ANKRD12: variants seen among roughly 807,000 people sequenced by gnomAD.
The protein encoded by ANKRD12 is ankyrin repeat domain-containing protein 12.
Under a neutral mutation model 183.4 loss-of-function variants are expected in ANKRD12, and 85 were observed. The ratio of observed to expected loss-of-function variants is 0.46; its 90% CI spans 0.39 to 0.56. ANKRD12 has a LOEUF of 0.56. Ranked by LOEUF, ANKRD12 falls within the 20% of genes least tolerant of loss-of-function variation. The probability of loss-of-function intolerance (pLI) is 0.00; values close to 1 mark genes in which losing one functional copy is unlikely to be tolerated. For missense variants in ANKRD12, 2,405 were observed against 2,357.1 expected, an observed-to-expected ratio of 1.02 and a Z score of -0.42; for synonymous variants, 914 against 800.2, an observed-to-expected ratio of 1.14 and a Z score of -2.40.
Position 9,257,577 on chromosome 18 carries a change from C to T in ANKRD12, c.4310C>T (p.Pro1437Leu). Reference protein sequence around the residue: ...ETLSTRDFICPNSNIPDQESS... With the variant: ...ETLSTRDFICLNSNIPDQESS... ...TTAAGCACCAGAGACTTTATCTGCC[C>T]AAATTCTAACATACCTGATCAAGAA... The change falls in exon 9 of 13, where the codon CCA becomes CTA. Residue 1437 changes from proline (P) to leucine (L), a missense_variant. Coordinates refer to ENST00000262126, the MANE Select transcript of ANKRD12 (RefSeq NM_015208.5). The T allele has an allele frequency of 6.2e-7, 1 of 1,614,030 alleles. No individual in the cohort carries two copies. Among genetic ancestry groups the T allele is most frequent in the Non-Finnish European group, 8.5e-7 (1 of 1,179,978 alleles).
intron 10 of ANKRD12, among the ~76,000 whole-genome samples, chr18:9,270,933 G>A (rs930603678): frequency 6.6e-6 from 1 of 152,182 alleles, no homozygotes; most frequent in Non-Finnish European, 1.5e-5. Flanking sequence ...CCGTGTGGTG[G>A]CTCAGTAACT....
At chr18:9,177,609 G>C (rs1389575696) in intron 1 of ANKRD12, among the ~76,000 whole-genome samples, 2 of 152,070 alleles carry the variant, frequency 1.3e-5, no homozygotes, top group Non-Finnish European at 2.9e-5. Context: ...CTGTCTACTA[G>C]CTATTTTGAA....
chr18:9,187,894 C>G (rs2034200306), intron 2 of ANKRD12, among the ~76,000 whole-genome samples: 1 of 152,190 alleles, frequency 6.6e-6, no homozygotes, highest in Admixed American at 6.5e-5. Context: ...GTAGTTCAGA[C>G]ATTCATTATT....
intron 8 of ANKRD12, among the ~76,000 whole-genome samples, chr18:9,253,551 A>G (rs1159099138): frequency 6.6e-6 from 1 of 152,228 alleles, no homozygotes; most frequent in African/African-American, 2.4e-5. Context: ...TCCACTGTGT[A>G]TATGAACCAC....
intron 1 of ANKRD12, among the ~76,000 whole-genome samples, chr18:9,154,579 C>G (rs2030109252): frequency 6.6e-6 from 1 of 152,158 alleles, no homozygotes; most frequent in Non-Finnish European, 1.5e-5. Context: ...ACAACACACA[C>G]TCTGGCTACT....
At chr18:9,259,596 G>A (rs886830799) in intron 9 of ANKRD12, 1 of 152,118 alleles carries the variant, frequency 6.6e-6, no homozygotes, top group African/African-American at 2.4e-5. Flanking sequence ...TAGAAGTTTA[G>A]TTGTGTCAAA....
chr18:9,237,494 C>T (rs544224671), intron 8 of ANKRD12, among the ~76,000 whole-genome samples: 1 of 152,188 alleles, frequency 6.6e-6, no homozygotes, highest in South Asian at 2.1e-4. Flanking sequence ...AAAAATATAG[C>T]CATCACTAGG....
At chr18:9,227,462 A>G (rs981864257) in intron 8 of ANKRD12, among the ~76,000 whole-genome samples, 1 of 152,228 alleles carries the variant, frequency 6.6e-6, no homozygotes, top group African/African-American at 2.4e-5. Flanking sequence ...GGGGCAGGAA[A>G]TGTTTGAGCT....
At chr18:9,150,574 G>T (rs2078652182) in intron 1 of ANKRD12, among the ~76,000 whole-genome samples, 1 of 152,186 alleles carries the variant, frequency 6.6e-6, no homozygotes, top group Non-Finnish European at 1.5e-5. Context: ...GTAGATGCCT[G>T]TACTTTTTTC....
intron 1 of ANKRD12, among the ~76,000 whole-genome samples, chr18:9,169,701 G>A (rs145284667): frequency 1.3e-4 from 20 of 152,170 alleles, no homozygotes; most frequent in Middle Eastern, 6.8e-3. Context: ...TGGAGCATTT[G>A]GCCCATTTAC....
rs1463522023 is a variant in ANKRD12, at chr18:9,284,331, C to A, written c.*3205C>A. The A allele has an allele frequency of 6.6e-6, 1 of 152,144 alleles. No individual in the cohort carries two copies. The highest frequency in any genetic ancestry group is 1.5e-5 in the Non-Finnish European group (1 of 68,020). The allele number at this position is 152,144 out of a possible 1,614,324, so 9.4% of individuals were successfully genotyped here. On this transcript the variant is annotated 3_prime_UTR_variant, in exon 13 of 13. Transcript: ENST00000262126. ...CCCCATGAAGCTCATTTGAATGGGACTTAACAATTAGACAGTTATTTTAGA... is the reference window on the plus strand; with the variant it reads ...CCCCATGAAGCTCATTTGAATGGGAATTAACAATTAGACAGTTATTTTAGA...
At chr18:9,201,844 G>A (rs2144513689) in intron 3 of ANKRD12, among the ~76,000 whole-genome samples, 1 of 148,220 alleles carries the variant, frequency 6.7e-6, no homozygotes, top group African/African-American at 2.5e-5. Context: ...TTTTTTTAAG[G>A]TGATACAGAG....
Position 9,257,076 on chromosome 18 carries a change from C to G in ANKRD12, c.3809C>G (p.Pro1270Arg). The G allele has an allele frequency of 6.2e-7, 1 of 1,614,082 alleles. No individual in the cohort carries two copies. The highest frequency in any genetic ancestry group is 8.5e-7 in the Non-Finnish European group (1 of 1,179,990). The change falls in exon 9 of 13, where the codon CCG becomes CGG. Residue 1270 changes from proline (P) to arginine (R), a missense_variant. Pro to Arg is a moderately radical substitution (Grantham distance 103, BLOSUM62 -2). This residue lies in a region of ANKRD12 where 1,983 missense variants were observed against 1,725.9 expected (regional missense o/e 1.15). Coordinates refer to ENST00000262126, the MANE Select transcript of ANKRD12 (RefSeq NM_015208.5). ...ERELDSLADL[P>R]ERIKPPYANR... ...GAATTGGACAGCCTGGCTGACTTGC[C>G]GGAGCGGATTAAACCACCATATGCA...
At chr18:9,277,578 C>T (rs938044454) in intron 11 of ANKRD12, among the ~76,000 whole-genome samples, 7 of 151,960 alleles carry the variant, frequency 4.6e-5, no homozygotes, top group African/African-American at 1.7e-4. Context: ...CCACCCGCCT[C>T]GGCCTCCCAA....
intron 8 of ANKRD12, among the ~76,000 whole-genome samples, chr18:9,222,441 A>G (rs1235863963): frequency 2.0e-5 from 3 of 149,214 alleles, no homozygotes; most frequent in African/African-American, 4.9e-5. Context: ...AATTCTGATC[A>G]TTGTTGCAGG....
At chr18:9,251,411 T>A (rs1018276256) in intron 8 of ANKRD12, among the ~76,000 whole-genome samples, 9 of 152,248 alleles carry the variant, frequency 5.9e-5, no homozygotes, top group Non-Finnish European at 1.3e-4. Flanking sequence ...GTTGCAAATA[T>A]CTGAAGTCGC....
intron 3 of ANKRD12, among the ~76,000 whole-genome samples, chr18:9,197,622 GTTATATTA>G (rs893916740): frequency 2.0e-5 from 3 of 151,912 alleles, no homozygotes; most frequent in Non-Finnish European, 4.4e-5. Context: ...GAGATGACGT[GTTATATTA>G]TTATATACTG....
In ANKRD12 at chr18:9,136,816, G is replaced by A. The variant is rs1047944651; in HGVS notation, c.-201G>A. On this transcript the variant is annotated 5_prime_UTR_variant, in exon 1 of 13. Transcript: ENST00000262126. ...GCTGTCCTGGGAGCGAGGAGGCTGT[G>A]GTGAGAGACGGACCGAGACCGGAGA... 2 of 152,306 alleles carry A rather than the reference G, an allele frequency of 1.3e-5. No homozygotes were observed. The highest frequency in any genetic ancestry group is 2.4e-5 in the African/African-American group (1 of 41,460). The allele number at this position is 152,306 out of a possible 1,614,324, so 9.4% of individuals were successfully genotyped here.
intron 1 of ANKRD12, among the ~76,000 whole-genome samples, chr18:9,148,108 G>A (rs1371479948): frequency 1.3e-5 from 2 of 152,100 alleles, no homozygotes; most frequent in Non-Finnish European, 2.9e-5. Flanking sequence ...AGTAAAGCTG[G>A]CTAACCATTT....
Sources: allele counts gnomAD v4.1 joint callset (sites outside exome capture counted in the v4.1 genomes callset), GRCh38; gene constraint gnomAD v4.1.1; regional missense constraint gnomAD v4.1.1; transcripts MANE v1.5; gene names NCBI Gene and HGNC (gene_info 2026-07-23, HGNC 2026-07-21).